The following GRM5 variants were observed in gnomAD, a reference collection of about 807,000 sequenced individuals.
The protein encoded by GRM5 is metabotropic glutamate receptor 5.
A neutral mutation model predicts 83.1 loss-of-function variants in GRM5; 19 were observed. The observed-to-expected ratio is 0.23, with a 90% CI of 0.16 to 0.34. GRM5 has a LOEUF of 0.34. GRM5 is among the 10% of genes least tolerant of loss of function. The pLI, the probability that GRM5 is intolerant of heterozygous loss-of-function variation, is 1.00. For synonymous variants in GRM5, 675 were observed against 633.6 expected (o/e 1.07, Z -0.98); for missense variants, 1,160 against 1,588.3 (o/e 0.73, Z 4.58).
intron 7 of GRM5, among the ~76,000 whole-genome samples, chr11:88,582,420 G>A (rs1388876179): frequency 1.3e-5 from 2 of 151,760 alleles, no homozygotes; most frequent in African/African-American, 2.4e-5. Flanking sequence ...ACTTAGCACA[G>A]TGTTAAAAAA....
chr11:88,602,985 T>C (rs1411661422), intron 5 of GRM5, among the ~76,000 whole-genome samples: 1 of 152,178 alleles, frequency 6.6e-6, no homozygotes, highest in Non-Finnish European at 1.5e-5. Flanking sequence ...CCAACTCTGA[T>C]AATTTATTCA....
At chr11:88,586,542 G>A (rs933494478) in intron 7 of GRM5, among the ~76,000 whole-genome samples, 8 of 152,282 alleles carry the variant, frequency 5.3e-5, no homozygotes, top group African/African-American at 1.7e-4. Context: ...TAAGCCAAGT[G>A]CATATAAGAA....
At chr11:88,735,633 T>C (rs1591476910) in intron 3 of GRM5, among the ~76,000 whole-genome samples, 1 of 152,180 alleles carries the variant, frequency 6.6e-6, no homozygotes, top group East Asian at 1.9e-4. Context: ...AGCCCCAGGG[T>C]GTACCTAGGA....
intron 4 of GRM5, among the ~76,000 whole-genome samples, chr11:88,651,448 T>C (rs1442427304): frequency 6.6e-6 from 1 of 151,990 alleles, no homozygotes; most frequent in Non-Finnish European, 1.5e-5. Flanking sequence ...CTACACATAG[T>C]AATAATTATA....
intron 3 of GRM5, among the ~76,000 whole-genome samples, chr11:88,839,364 A>C (rs1292468228): frequency 6.6e-6 from 1 of 152,232 alleles, no homozygotes; most frequent in Non-Finnish European, 1.5e-5. Flanking sequence ...TTAGAAATCA[A>C]TAAGGAAAAA....
chr11:88,661,400 T>C (rs1245005343), intron 3 of GRM5, among the ~76,000 whole-genome samples: 1 of 152,190 alleles, frequency 6.6e-6, no homozygotes, highest in East Asian at 1.9e-4. Flanking sequence ...AATGGTCCTC[T>C]TGTTATCTAC....
intron 3 of GRM5, among the ~76,000 whole-genome samples, chr11:88,815,406 T>C (rs1309033657): frequency 6.6e-6 from 1 of 152,060 alleles, no homozygotes; most frequent in African/African-American, 2.4e-5. Flanking sequence ...ATATTAAAAT[T>C]TGTGAGTTAT....
intron 2 of GRM5, among the ~76,000 whole-genome samples, chr11:88,993,340 T>A (rs1385285174): frequency 6.6e-6 from 1 of 151,780 alleles, no homozygotes; most frequent in African/African-American, 2.4e-5. Flanking sequence ...CCAGTGGCAG[T>A]TATTGAGGAG....
At chr11:88,548,362 G>T (rs1409011652) in intron 8 of GRM5, among the ~76,000 whole-genome samples, 1 of 152,096 alleles carries the variant, frequency 6.6e-6, no homozygotes, top group Non-Finnish European at 1.5e-5. Context: ...ACCATTCAGA[G>T]AATTTATAAC....
chr11:88,593,780 CTCTCTT>C (rs1311744892), intron 6 of GRM5, among the ~76,000 whole-genome samples: 7 of 94,752 alleles, frequency 7.4e-5, no homozygotes, highest in Admixed American at 3.0e-4. Flanking sequence ...CTCTCTCTCT[CTCTCTT>C]TCTCTCTTTT....
intron 2 of GRM5, among the ~76,000 whole-genome samples, chr11:89,004,585 A>C (rs907219433): frequency 6.6e-6 from 1 of 152,152 alleles, no homozygotes; most frequent in Non-Finnish European, 1.5e-5. Context: ...AAAAAGAAAA[A>C]ATTTAGCAGT....
chr11:88,908,165 A>G (rs552339369), intron 2 of GRM5, among the ~76,000 whole-genome samples: 3 of 152,272 alleles, frequency 2.0e-5, no homozygotes, highest in Admixed American at 6.5e-5. Flanking sequence ...CATGTTTTCC[A>G]TATTTGAGAA....
rs750126339 is a variant in GRM5 at position 88,664,400 on chromosome 11, CTAAACAA to C, written c.912-11004_912-10998del. Among the ~76,000 whole-genome samples the C allele has an allele frequency of 4.8e-4, 73 of 152,038 alleles. 1 individual carries two copies. Among genetic ancestry groups the C allele is most frequent in the Non-Finnish European group, 7.8e-4 (53 of 67,974 alleles). On this transcript the variant is annotated intron_variant, in intron 3 of 9. Transcript: ENST00000305447. ...ACTTTTTTTCCCTTGTCATTATTCC[CTAAACAA>C]TAGAGTATGGCAACTATTCACATAG...
At chr11:88,836,707 A>G (rs1316915930) in intron 3 of GRM5, among the ~76,000 whole-genome samples, 2 of 152,200 alleles carry the variant, frequency 1.3e-5, no homozygotes, top group Non-Finnish European at 2.9e-5. Context: ...AGGATGGAGA[A>G]TCGCTTGAAC....
intron 4 of GRM5, among the ~76,000 whole-genome samples, chr11:88,612,235 G>A (rs1172677987): frequency 6.8e-6 from 1 of 147,382 alleles, no homozygotes; most frequent in Non-Finnish European, 1.5e-5. Context: ...TTTTGTTCCT[G>A]CGATAGTTTA....
At chr11:88,856,868 G>A (rs1326316620) in intron 2 of GRM5, among the ~76,000 whole-genome samples, 1 of 151,970 alleles carries the variant, frequency 6.6e-6, no homozygotes, top group African/African-American at 2.4e-5. Context: ...ATCATTATAT[G>A]GCATGTAACT....
intron 2 of GRM5, among the ~76,000 whole-genome samples, chr11:88,866,817 G>T (rs673022): frequency 0.46 from 69,724 of 151,854 alleles, 18,871 homozygotes; most frequent in African/African-American, 0.72. Flanking sequence ...CTAGGTTTTC[G>T]TCTAGAGTTT....
chr11:88,691,595 TGG>T (rs1940782481), intron 3 of GRM5, among the ~76,000 whole-genome samples: 1 of 152,204 alleles, frequency 6.6e-6, no homozygotes, highest in Non-Finnish European at 1.5e-5. Context: ...CTCTGCCATC[TGG>T]GTATTTTACA....
chr11:88,959,428 A>T (rs1207479553), intron 2 of GRM5, among the ~76,000 whole-genome samples: 1 of 151,764 alleles, frequency 6.6e-6, no homozygotes, highest in African/African-American at 2.4e-5. Context: ...TGAACATAAA[A>T]TATAAACATA....
Sources: gnomAD v4.1 joint callset for allele counts (sites outside exome capture counted in the v4.1 genomes callset) on GRCh38, gnomAD v4.1.1 for gene constraint, MANE v1.5 for transcripts, NCBI Gene and HGNC (gene_info 2026-07-23, HGNC 2026-07-21) for gene names.